ZFHX4: variants seen among roughly 807,000 people sequenced by gnomAD.
ZFHX4 encodes zinc finger homeobox 4.
Under a neutral mutation model 267.6 loss-of-function variants are expected in ZFHX4, and 56 were observed. The observed-to-expected ratio is 0.21, with a 90% CI of 0.17 to 0.26. ZFHX4 has a LOEUF of 0.26. Ranked by LOEUF, ZFHX4 falls within the 10% of genes least tolerant of loss-of-function variation. ZFHX4 has a pLI of 1.00. For synonymous variants in ZFHX4, 1,778 were observed against 1,665.6 expected (o/e 1.07, Z -1.64); for missense variants, 4,332 against 4,420.0 (o/e 0.98, Z 0.56).
chr8:76,856,561 AT>A (rs1444940216), intron 10 of ZFHX4, among the ~76,000 whole-genome samples: 1 of 152,168 alleles, frequency 6.6e-6, no homozygotes, highest in African/African-American at 2.4e-5. Flanking sequence ...TTACAGCTCC[AT>A]GTCATAGAAA....
chr8:76,828,342 G>A (rs959229913), intron 4 of ZFHX4, among the ~76,000 whole-genome samples: 3 of 152,052 alleles, frequency 2.0e-5, no homozygotes, highest in Non-Finnish European at 4.4e-5. Flanking sequence ...ATGCCTAGAG[G>A]CAGTGCTGTC....
chr8:76,831,395 TAGAG>T (rs146531119), intron 4 of ZFHX4, among the ~76,000 whole-genome samples: 3 of 151,228 alleles, frequency 2.0e-5, no homozygotes, highest in Non-Finnish European at 3.0e-5. Flanking sequence ...TGCACACACA[TAGAG>T]AGAGAGAGAG....
In ZFHX4 at chr8:76,703,126, C is replaced by T. The variant is rs566844587; in HGVS notation, c.-46-917C>T. On this transcript the variant is annotated intron_variant, in intron 1 of 10. Transcript: ENST00000651372. ...TAGGGTTTCTGGTCTAAGACGCCTG[C>T]TTGCAAAAAAACTTTAAAAAAAATG... Among the ~76,000 whole-genome samples the T allele has an allele frequency of 7.9e-5, 12 of 152,034 alleles. 1 individual carries two copies. The highest frequency in any genetic ancestry group is 3.4e-3 in the Middle Eastern group (1 of 292).
chr8:76,834,212 TG>T, intron 5 of ZFHX4: 1 of 405,712 alleles, frequency 2.5e-6, no homozygotes, highest in Non-Finnish European at 4.9e-6. Context: ...TCCAGGCTTT[TG>T]TGTGGACATA....
intron 3 of ZFHX4, among the ~76,000 whole-genome samples, chr8:76,732,799 A>G (rs1238811794): frequency 6.6e-6 from 1 of 152,150 alleles, no homozygotes; most frequent in Admixed American, 6.5e-5. Flanking sequence ...CTGAAGCTGC[A>G]TTTCTAATAA....
At chr8:76,815,809 C>A (rs1811491002) in intron 4 of ZFHX4, among the ~76,000 whole-genome samples, 1 of 152,132 alleles carries the variant, frequency 6.6e-6, no homozygotes, top group Non-Finnish European at 1.5e-5. Flanking sequence ...CCTGCAATTT[C>A]TTTCATAAAG....
At chr8:76,808,910 G>GTCTC (rs377750059) in intron 4 of ZFHX4, among the ~76,000 whole-genome samples, 46 of 144,430 alleles carry the variant, frequency 3.2e-4, no homozygotes, top group South Asian at 4.5e-4. Flanking sequence ...CTATCTCTCT[G>GTCTC]TCTCTCTCTC....
intron 3 of ZFHX4, among the ~76,000 whole-genome samples, chr8:76,734,553 C>T (rs558550979): frequency 4.6e-5 from 7 of 152,046 alleles, no homozygotes; most frequent in Non-Finnish European, 8.8e-5. Flanking sequence ...TTGCAGCTTT[C>T]ATTAGTCTGC....
chr8:76,801,839 C>T (rs1000367114), intron 4 of ZFHX4, among the ~76,000 whole-genome samples: 22 of 152,126 alleles, frequency 1.4e-4, no homozygotes, highest in African/African-American at 5.1e-4. Context: ...CAAAAATATG[C>T]GTGGCAGTAA....
chr8:76,792,360 C>T (rs1480555364), intron 4 of ZFHX4, among the ~76,000 whole-genome samples: 1 of 152,164 alleles, frequency 6.6e-6, no homozygotes, highest in African/African-American at 2.4e-5. Context: ...TTAAAACAAA[C>T]TGACAATAAA....
At chr8:76,742,442 C>T (rs1009840147) in intron 3 of ZFHX4, among the ~76,000 whole-genome samples, 1 of 152,148 alleles carries the variant, frequency 6.6e-6, no homozygotes, top group African/African-American at 2.4e-5. Context: ...CTGCCATGTT[C>T]ACTGACTGGT....
chr8:76,704,429 G>A lies in ZFHX4; in HGVS notation c.341G>A (p.Ser114Asn). 6.2e-7 allele frequency: 1 copy of A among 1,614,000 alleles called. No individual in the cohort carries two copies. The highest frequency in any genetic ancestry group is 8.5e-7 in the Non-Finnish European group (1 of 1,179,888). Residue 114 changes from serine (S) to asparagine (N), a missense_variant, in exon 2 of 11, where the codon AGC becomes AAC. By Grantham distance (46) the Ser-to-Asn change is conservative. Coordinates refer to ENST00000651372, the MANE Select transcript of ZFHX4 (RefSeq NM_024721.5). ...CCTGTCCTGAAGGATGACAACGAGA[G>A]CGAGATCAGCGAGTTAGAGGACAGT... is the stretch of plus-strand genomic sequence containing the variant. ...RLPVLKDDNE[S>N]EISELEDSDV...
chr8:76,738,354 A>G (rs1256283948), intron 3 of ZFHX4, among the ~76,000 whole-genome samples: 1 of 152,126 alleles, frequency 6.6e-6, no homozygotes, highest in African/African-American at 2.4e-5. Context: ...TGTGAGGATC[A>G]GGTAAATATT....
At chr8:76,753,627 GCCTTTTTTTTT>G (rs1490587741) in intron 3 of ZFHX4, among the ~76,000 whole-genome samples, 1 of 141,220 alleles carries the variant, frequency 7.1e-6, no homozygotes, top group African/African-American at 2.6e-5. Flanking sequence ...TTCGTCTTAG[GCCTTTTTTTTT>G]TTTTTTTTTT....
At chr8:76,755,419 C>T (rs1383658791) in intron 3 of ZFHX4, among the ~76,000 whole-genome samples, 4 of 152,138 alleles carry the variant, frequency 2.6e-5, no homozygotes, top group African/African-American at 7.2e-5. Context: ...ATGCATATTA[C>T]TTTCCTCTTT....
chr8:76,721,918 T>C (rs969587652), intron 3 of ZFHX4, among the ~76,000 whole-genome samples: 1 of 152,148 alleles, frequency 6.6e-6, no homozygotes, highest in Non-Finnish European at 1.5e-5. Flanking sequence ...AAATATTTCC[T>C]GGTACTTTTC....
At chr8:76,731,878 A>ATTATTATTG (rs1809022380) in intron 3 of ZFHX4, among the ~76,000 whole-genome samples, 1 of 149,048 alleles carries the variant, frequency 6.7e-6, no homozygotes, top group African/African-American at 2.5e-5. Flanking sequence ...TATTATTATT[A>ATTATTATTG]TTATTATTAT....
At chr8:76,817,111 T>C (rs1003888581) in intron 4 of ZFHX4, among the ~76,000 whole-genome samples, 13 of 152,164 alleles carry the variant, frequency 8.5e-5, no homozygotes, top group Admixed American at 8.5e-4. Flanking sequence ...GGCCACATGA[T>C]ATGCTTTACA....
chr8:76,737,076 T>C (rs1347311404), intron 3 of ZFHX4, among the ~76,000 whole-genome samples: 1 of 152,144 alleles, frequency 6.6e-6, no homozygotes, highest in Non-Finnish European at 1.5e-5. Flanking sequence ...AAACACTTGT[T>C]TACCAAATCC....
Sources: allele counts gnomAD v4.1 joint callset (sites outside exome capture counted in the v4.1 genomes callset), GRCh38; gene constraint gnomAD v4.1.1; transcripts MANE v1.5; gene names NCBI Gene and HGNC (gene_info 2026-07-23, HGNC 2026-07-21).